TBC1D5: variants seen among roughly 807,000 people sequenced by gnomAD.
The protein encoded by TBC1D5 is TBC1 domain family, member 5.
TBC1D5 carries 75 observed loss-of-function variants against 100.3 expected under a neutral mutation model. The ratio of observed to expected loss-of-function variants is 0.75; its 90% CI spans 0.62 to 0.91. TBC1D5 has a LOEUF of 0.91. Ranked by LOEUF, TBC1D5 falls within the 40% of genes least tolerant of loss-of-function variation. The pLI is 0.00. For synonymous variants in TBC1D5, 323 were observed against 325.6 expected, an observed-to-expected ratio of 0.99 and a Z score of 0.09; for missense variants, 910 against 942.4, an observed-to-expected ratio of 0.97 and a Z score of 0.45.
rs576492625 is a variant in TBC1D5, at chr3:17,200,409, G to C, written c.1752+13798C>G. 2.0e-5 allele frequency among the ~76,000 whole-genome samples: 3 copies of C among 152,348 alleles called. No individual in the cohort carries two copies. In the South Asian group the frequency reaches 6.2e-4, roughly 32 times the overall value. ...CTGAGTCCCACCTCCTGTCAGATCA[G>C]CAGCAGCATTAGATTCTCATAGGAG... is the stretch of plus-strand genomic sequence containing the variant. On this transcript the variant is annotated intron_variant, in intron 18 of 21. Transcript: ENST00000253692.
At chr3:17,309,818 T>C (rs2083799391) in intron 13 of TBC1D5, among the ~76,000 whole-genome samples, 1 of 152,094 alleles carries the variant, frequency 6.6e-6, no homozygotes, top group South Asian at 2.1e-4. Flanking sequence ...AAAAAGTACA[T>C]GAACTAAACC....
At chr3:17,245,472 A>G (rs1398945353) in intron 16 of TBC1D5, among the ~76,000 whole-genome samples, 2 of 152,236 alleles carry the variant, frequency 1.3e-5, no homozygotes, top group Admixed American at 1.3e-4. Context: ...CAAGGGAAAC[A>G]TGTTTCCTTT....
intron 4 of TBC1D5, among the ~76,000 whole-genome samples, chr3:17,421,438 C>CT (rs1231048433): frequency 1.3e-5 from 2 of 152,088 alleles, no homozygotes; most frequent in African/African-American, 4.8e-5. Context: ...AAAAGTTCCT[C>CT]TTATATAATC....
intron 10 of TBC1D5, 48 bp from the exon 11 acceptor site, chr3:17,374,727 T>TA (rs1250912680): frequency 6.3e-7 from 1 of 1,583,604 alleles, no homozygotes; most frequent in Non-Finnish European, 8.6e-7. Context: ...TTTGAATAAT[T>TA]AAAGAGGCAG....
intron 3 of TBC1D5, among the ~76,000 whole-genome samples, chr3:17,490,998 G>A (rs1292098164): frequency 6.6e-6 from 1 of 152,140 alleles, no homozygotes; most frequent in East Asian, 1.9e-4. Context: ...GCAGTGGCTT[G>A]TAGTTCTCCT....
chr3:17,655,722 C>T (rs1020380078), intron 1 of TBC1D5, among the ~76,000 whole-genome samples: 2 of 151,906 alleles, frequency 1.3e-5, no homozygotes, highest in African/African-American at 2.4e-5. Context: ...ACAAATATTC[C>T]AAAATCAGAA....
At chr3:17,487,488 T>C (rs754608316) in intron 3 of TBC1D5, among the ~76,000 whole-genome samples, 3 of 152,186 alleles carry the variant, frequency 2.0e-5, no homozygotes, top group Admixed American at 6.5e-5. Flanking sequence ...AATTAGATGT[T>C]AGAAGGTCAT....
At chr3:17,316,520 ATTTATG>A (rs1559617510) in intron 13 of TBC1D5, among the ~76,000 whole-genome samples, 1 of 152,138 alleles carries the variant, frequency 6.6e-6, no homozygotes, top group Non-Finnish European at 1.5e-5. Flanking sequence ...ACTGCTCTAT[ATTTATG>A]TTTATGTTAT....
intron 2 of TBC1D5, among the ~76,000 whole-genome samples, chr3:17,578,109 C>CT (rs1344474485): frequency 2.0e-5 from 3 of 151,930 alleles, no homozygotes; most frequent in Non-Finnish European, 4.4e-5. Flanking sequence ...CAAAGTCACT[C>CT]TTTTTTTACA....
intron 4 of TBC1D5, among the ~76,000 whole-genome samples, chr3:17,408,804 CATT>C (rs1048071313): frequency 6.6e-6 from 1 of 151,996 alleles, no homozygotes. Context: ...TAAGATCTAA[CATT>C]ATTTTCTCTT....
chr3:17,612,470 A>G (rs1287954910), intron 2 of TBC1D5, among the ~76,000 whole-genome samples: 1 of 151,960 alleles, frequency 6.6e-6, no homozygotes, highest in Non-Finnish European at 1.5e-5. Flanking sequence ...TATACTAAAA[A>G]AATACGAAAA....
rs2066046802 is a variant in TBC1D5, at chr3:17,161,468, A to G, written c.2095-212T>C. 3.9e-5 allele frequency among the ~76,000 whole-genome samples: 6 copies of G among 152,238 alleles called. No homozygotes were observed. In the South Asian group the frequency reaches 8.3e-4, roughly 21 times the overall value. On this transcript the variant is annotated intron_variant, in intron 21 of 21. Transcript: ENST00000253692. Reference sequence around the variant, plus strand: ...AGCAGCATCTTGTGAGCCCCTCTGAAGCCAAATGCTGGCTTCCCTGGGGGA... The same window carrying G: ...AGCAGCATCTTGTGAGCCCCTCTGAGGCCAAATGCTGGCTTCCCTGGGGGA...
chr3:17,289,302 G>A (rs1372518922), intron 15 of TBC1D5, among the ~76,000 whole-genome samples: 2 of 152,114 alleles, frequency 1.3e-5, no homozygotes, highest in South Asian at 2.1e-4. Context: ...ATGGCGGGCC[G>A]AGTGGATGTA....
intron 13 of TBC1D5, among the ~76,000 whole-genome samples, chr3:17,310,229 G>T (rs2083866859): frequency 6.6e-6 from 1 of 152,068 alleles, no homozygotes; most frequent in Non-Finnish European, 1.5e-5. Context: ...CTTCACTGCA[G>T]CAGTCAGGAA....
chr3:17,463,941 T>C lies in TBC1D5; in HGVS notation c.98-35422A>G, dbSNP rs564897773. Reference sequence around the variant, plus strand: ...CCCAATCAATACTAGCATTCCTTATTCCTTTTTTTTTTTTTTTTTTTTTTT... The same window carrying C: ...CCCAATCAATACTAGCATTCCTTATCCCTTTTTTTTTTTTTTTTTTTTTTT... On this transcript the variant is annotated intron_variant, in intron 3 of 21. Coordinates refer to ENST00000253692, the Ensembl canonical transcript of TBC1D5. 9.2e-3 allele frequency among the ~76,000 whole-genome samples: 1,340 copies of C among 145,646 alleles called. 27 individuals carry two copies. Among genetic ancestry groups the C allele is most frequent in the African/African-American group, 0.032 (1,253 of 38,626 alleles).
chr3:17,247,759 C>T (rs2076857107), intron 16 of TBC1D5, among the ~76,000 whole-genome samples: 2 of 152,196 alleles, frequency 1.3e-5, no homozygotes, highest in African/African-American at 4.8e-5. Context: ...GGTTTATCAA[C>T]CAAGCTTATG....
chr3:17,614,946 A>G (rs1188521367), intron 2 of TBC1D5, among the ~76,000 whole-genome samples: 1 of 152,176 alleles, frequency 6.6e-6, no homozygotes, highest in East Asian at 1.9e-4. Context: ...GAGAGATGGC[A>G]TCCTTGTCTT....
At chr3:17,674,235 C>T (rs550292015) in intron 1 of TBC1D5, among the ~76,000 whole-genome samples, 2 of 152,282 alleles carry the variant, frequency 1.3e-5, no homozygotes, top group East Asian at 3.9e-4. Context: ...AAGTCCAACT[C>T]CATTTCTTTA....
intron 3 of TBC1D5, among the ~76,000 whole-genome samples, chr3:17,454,099 C>T (rs1404986129): frequency 3.9e-5 from 6 of 152,100 alleles, no homozygotes; most frequent in Admixed American, 3.9e-4. Context: ...CTTTAAAAAA[C>T]TGGAGACAGA....
Sources: allele counts gnomAD v4.1 joint callset (sites outside exome capture counted in the v4.1 genomes callset), GRCh38; gene constraint gnomAD v4.1.1; transcripts MANE v1.5; gene names NCBI Gene and HGNC (gene_info 2026-07-23, HGNC 2026-07-21).